The following LRRC8C variants were observed in gnomAD, a reference collection of about 807,000 sequenced individuals.
LRRC8C encodes the protein leucine rich repeat containing 8 VRAC subunit C, also known as volume-regulated anion channel subunit LRRC8C.
In LRRC8C, 20 loss-of-function variants were observed where a neutral mutation model predicts 55.3. The ratio of observed to expected loss-of-function variants is 0.36; its 90% confidence interval spans 0.25 to 0.53. LRRC8C has a LOEUF of 0.53. Among genes scored for constraint, LRRC8C ranks in the 20% least tolerant of loss-of-function variants. LRRC8C has a pLI of 0.92. For missense variants in LRRC8C, 659 were observed against 951.4 expected, an observed-to-expected ratio of 0.69 and a Z score of 4.04; for synonymous variants, 376 against 360.7, an observed-to-expected ratio of 1.04 and a Z score of -0.48.
chr1:89,631,125 A>G (rs928151270), upstream of LRRC8C, among the ~76,000 whole-genome samples: 4 of 152,160 alleles, frequency 2.6e-5, no homozygotes, highest in East Asian at 3.8e-4. Context: ...TAAGTACAAT[A>G]GTAGCTCTCA....
intron 1 of LRRC8C, among the ~76,000 whole-genome samples, chr1:89,657,066 A>G (rs928638142): frequency 6.6e-6 from 1 of 152,182 alleles, no homozygotes; most frequent in Admixed American, 6.5e-5. Flanking sequence ...CTATTTCATT[A>G]TATTATACAA....
chr1:89,630,899 T>G (rs954933952), upstream of LRRC8C, among the ~76,000 whole-genome samples: 3 of 152,190 alleles, frequency 2.0e-5, no homozygotes, highest in African/African-American at 7.2e-5. Flanking sequence ...TAGCATAGTT[T>G]TTAGACTAGT....
In LRRC8C at chr1:89,719,069, G is replaced by C. The variant is rs1208377055; in HGVS notation, c.*4087G>C. ...TTCCATCTTCCCAAAGTCACTCACC[G>C]ATAAAGGTAGCATCCTTAAGTTCAT... On this transcript the variant is annotated 3_prime_UTR_variant, in exon 3 of 3. Transcript: ENST00000370454. 1 of 152,064 alleles carries C rather than the reference G, an allele frequency of 6.6e-6. No homozygotes were observed. The highest frequency in any genetic ancestry group is 2.4e-5 in the African/African-American group (1 of 41,424). The allele number at this position is 152,064 out of a possible 1,614,324, so 9.4% of individuals were successfully genotyped here.
the LRRC8C span, among the ~76,000 whole-genome samples, chr1:89,628,055 T>C: frequency 6.6e-6 from 1 of 152,358 alleles, no homozygotes; most frequent in South Asian, 2.1e-4. Context: ...ATTTAGCACA[T>C]AATGTGTACC....
intron 1 of LRRC8C, among the ~76,000 whole-genome samples, chr1:89,639,960 G>A (rs917688503): frequency 3.9e-5 from 6 of 152,184 alleles, no homozygotes; most frequent in Non-Finnish European, 7.4e-5. Context: ...TTATAAATTA[G>A]GAGTAAGCAT....
Position 89,713,580 on chromosome 1 carries a change from C to A in LRRC8C, c.1010C>A (p.Thr337Asn). ...VSIYGLTCLY[T>N]LYWLFYRSLR... ...ATCTATGGATTGACGTGCCTTTATA[C>A]CTTATACTGGCTGTTCTACCGTTCT... is the stretch of plus-strand genomic sequence containing the variant. Residue 337 changes from threonine to asparagine, a missense_variant, in exon 3 of 3, where the codon ACC becomes AAC. Physicochemically the swap from Thr to Asn is moderately conservative, Grantham distance 65. Transcript: ENST00000370454. This position sits in a 1 kb window ranked among gnomAD's most constrained non-coding sequence, Gnocchi z 5.2. 1 of 1,614,116 alleles carries A rather than the reference C, an allele frequency of 6.2e-7. No homozygotes were observed.
chr1:89,696,347 CA>C (rs943506791), intron 2 of LRRC8C, among the ~76,000 whole-genome samples: 7 of 151,838 alleles, frequency 4.6e-5, no homozygotes, highest in Non-Finnish European at 7.4e-5. Context: ...TACGTACCTG[CA>C]AAAAAAGTGG....
the LRRC8C span, among the ~76,000 whole-genome samples, chr1:89,624,386 T>A: frequency 1.3e-5 from 2 of 152,228 alleles, no homozygotes; most frequent in African/African-American, 4.8e-5. Context: ...TAGACTATTC[T>A]ATGTCATCTT....
intron 1 of LRRC8C, among the ~76,000 whole-genome samples, chr1:89,654,806 C>T (rs1464007239): frequency 2.6e-5 from 4 of 151,076 alleles, no homozygotes; most frequent in Non-Finnish European, 5.9e-5. Flanking sequence ...AGGATCTTCT[C>T]ATTATCCCCA....
At chr1:89,672,674 A>G (rs949933679) in intron 1 of LRRC8C, among the ~76,000 whole-genome samples, 16 of 152,024 alleles carry the variant, frequency 1.1e-4, no homozygotes, top group African/African-American at 3.9e-4. Flanking sequence ...CCTACATCCC[A>G]TGTCTTTCTC....
At chr1:89,648,828 G>C (rs1023034988) in intron 1 of LRRC8C, among the ~76,000 whole-genome samples, 2 of 152,068 alleles carry the variant, frequency 1.3e-5, no homozygotes, top group Non-Finnish European at 1.5e-5. Flanking sequence ...CATGTAAGTG[G>C]TATCAAAAAT....
chr1:89,669,160 C>T (rs1657348998), intron 1 of LRRC8C, among the ~76,000 whole-genome samples: 2 of 151,898 alleles, frequency 1.3e-5, no homozygotes, highest in African/African-American at 2.4e-5. Context: ...TGAATGAGGA[C>T]GTTCTGATAA....
intron 1 of LRRC8C, among the ~76,000 whole-genome samples, chr1:89,653,803 T>C (rs1570697789): frequency 6.6e-6 from 1 of 152,196 alleles, no homozygotes; most frequent in African/African-American, 2.4e-5. Flanking sequence ...ATATGGATGG[T>C]TGTGGAAATA....
chr1:89,683,699 A>C (rs1013528027), intron 1 of LRRC8C, among the ~76,000 whole-genome samples: 1 of 152,162 alleles, frequency 6.6e-6, no homozygotes, highest in South Asian at 2.1e-4. Flanking sequence ...TGTTTGATAG[A>C]GTTTCCAGTT....
Position 89,646,124 on chromosome 1 carries a change from G to T in LRRC8C, c.-5+12802G>T, listed in dbSNP as rs113554540. ...ATTTAAGAACAGAATAAATGAAATC[G>T]AAATCAGATGAGTGACAGAAAAATA... On this transcript the variant is annotated intron_variant, in intron 1 of 2. Transcript: ENST00000370454. Among the ~76,000 whole-genome samples the T allele has an allele frequency of 2.6e-5, 4 of 151,926 alleles. No individual in the cohort carries two copies. The South Asian group carries it at 8.3e-4, about 32-fold the overall frequency.
Position 89,679,705 on chromosome 1 carries a change from G to A in LRRC8C, c.-4-6765G>A, listed in dbSNP as rs370976132. Among the ~76,000 whole-genome samples, 32 of 152,270 alleles carry A rather than the reference G, an allele frequency of 2.1e-4. No homozygotes were observed. The South Asian group carries it at 6.4e-3, about 31-fold the overall frequency. ...TTGTTTTGTATTCGTTTTGATCAGG[G>A]CCATTCACTGGGTTACTGACAGGCT... On this transcript the variant is annotated intron_variant, in intron 1 of 2. Coordinates refer to ENST00000370454, the MANE Select transcript of LRRC8C (RefSeq NM_032270.5).
chr1:89,645,315 T>C (rs960744810), intron 1 of LRRC8C, among the ~76,000 whole-genome samples: 2 of 151,124 alleles, frequency 1.3e-5, no homozygotes, highest in South Asian at 4.2e-4. Flanking sequence ...ATAGAAATAA[T>C]ATAATCTGAA....
intron 1 of LRRC8C, among the ~76,000 whole-genome samples, chr1:89,682,558 G>C (rs1190417110): frequency 6.6e-6 from 1 of 152,206 alleles, no homozygotes; most frequent in Non-Finnish European, 1.5e-5. Context: ...GTTTTGTAAT[G>C]CTAAGATGTT....
intron 1 of LRRC8C, among the ~76,000 whole-genome samples, chr1:89,634,608 T>A (rs1656227431): frequency 6.6e-6 from 1 of 152,192 alleles, no homozygotes; most frequent in Admixed American, 6.5e-5. Context: ...TGCTGCAAAA[T>A]CGCCAGAGCC....
Sources: gnomAD v4.1 joint callset for allele counts (sites outside exome capture counted in the v4.1 genomes callset) on GRCh38, gnomAD v4.1.1 for gene constraint, Gnocchi (gnomAD v3.1) non-coding constraint, MANE v1.5 for transcripts, NCBI Gene and HGNC (gene_info 2026-07-23, HGNC 2026-07-21) for gene names.